NIPAL2: variants seen among roughly 807,000 people sequenced by gnomAD.
The protein encoded by NIPAL2 is NIPA like domain containing 2, also known as NIPA-like protein 2.
A neutral mutation model predicts 48.9 loss-of-function variants in NIPAL2; 43 were observed. The ratio of observed to expected loss-of-function variants is 0.88; its 90% CI spans 0.69 to 1.13. NIPAL2 has a LOEUF of 1.13. NIPAL2 is among the 50% of genes most tolerant of loss of function. The pLI, the probability that NIPAL2 is intolerant of heterozygous loss-of-function variation, is 0.00. For missense variants in NIPAL2, 446 were observed against 461.4 expected (o/e 0.97, Z 0.31); for synonymous variants, 167 against 174.6 (o/e 0.96, Z 0.34).
chr8:98,228,607 C>G (rs989808932), intron 4 of NIPAL2, among the ~76,000 whole-genome samples: 4 of 152,152 alleles, frequency 2.6e-5, no homozygotes, highest in Non-Finnish European at 5.9e-5. Context: ...GAACTGAATA[C>G]GCTTCAAAGC....
At chr8:98,254,497 A>AT (rs1813768073) in intron 1 of NIPAL2, among the ~76,000 whole-genome samples, 1 of 152,146 alleles carries the variant, frequency 6.6e-6, no homozygotes, top group Non-Finnish European at 1.5e-5. Flanking sequence ...TGAGACACAG[A>AT]TTTGCTCTTT....
chr8:98,223,623 T>C (rs1685910905), intron 4 of NIPAL2, among the ~76,000 whole-genome samples: 1 of 152,204 alleles, frequency 6.6e-6, no homozygotes, highest in African/African-American at 2.4e-5. Context: ...AATTTCCTGT[T>C]CCTCGTATGC....
At chr8:98,208,789 G>T (rs951366644) in intron 6 of NIPAL2, among the ~76,000 whole-genome samples, 2 of 152,072 alleles carry the variant, frequency 1.3e-5, no homozygotes, top group Non-Finnish European at 2.9e-5. Flanking sequence ...GGCAAAGTGG[G>T]CCACTCGCCA....
chr8:98,233,060 C>G (rs1464061562), intron 4 of NIPAL2, among the ~76,000 whole-genome samples: 4 of 152,060 alleles, frequency 2.6e-5, no homozygotes, highest in Admixed American at 2.6e-4. Flanking sequence ...GAGTTAGAGA[C>G]AAGCCTAGAC....
intron 3 of NIPAL2, among the ~76,000 whole-genome samples, chr8:98,244,289 AGTCTGT>A (rs1813152491): frequency 8.8e-6 from 1 of 113,382 alleles, no homozygotes; most frequent in Non-Finnish European, 1.8e-5. Context: ...GATGAGAGGT[AGTCTGT>A]AATGATGAGA....
At position 98,253,013 on chromosome 8, in the gene NIPAL2, T is replaced by A. The variant is rs543545116; in HGVS notation, c.205-379A>T. 5.3e-5 allele frequency among the ~76,000 whole-genome samples: 8 copies of A among 152,212 alleles called. No homozygotes were observed. In the East Asian group the frequency reaches 9.7e-4, roughly 18 times the overall value. ...GCTTGGTATGTGAATCCTCCTTTTG[T>A]CCAACGTATCCATGCTGCAGATGCT... On this transcript the variant is annotated intron_variant, in intron 2 of 10. Coordinates refer to ENST00000430223, the MANE Select transcript of NIPAL2 (RefSeq NM_001321635.2).
intron 1 of NIPAL2, among the ~76,000 whole-genome samples, chr8:98,276,395 T>C (rs571302360): frequency 1.3e-5 from 2 of 152,352 alleles, no homozygotes; most frequent in Non-Finnish European, 2.9e-5. Flanking sequence ...GCATTTCAAC[T>C]TCTTCTATGT....
At chr8:98,216,362 G>A (rs959085213) in intron 5 of NIPAL2, among the ~76,000 whole-genome samples, 5 of 152,226 alleles carry the variant, frequency 3.3e-5, no homozygotes, top group South Asian at 2.1e-4. Flanking sequence ...TATACGGCCA[G>A]TATGCAGGTA....
intron 1 of NIPAL2, among the ~76,000 whole-genome samples, chr8:98,285,770 C>T (rs1354670068): frequency 6.6e-6 from 1 of 151,864 alleles, no homozygotes; most frequent in Non-Finnish European, 1.5e-5. Flanking sequence ...AGCCTCTTAA[C>T]TTACAAAGCA....
At chr8:98,242,607 T>C (rs2130805472) in intron 3 of NIPAL2, among the ~76,000 whole-genome samples, 1 of 150,584 alleles carries the variant, frequency 6.6e-6, no homozygotes, top group South Asian at 2.1e-4. Flanking sequence ...TGCCTCAGCC[T>C]CCTGAGTAGC....
intron 1 of NIPAL2, among the ~76,000 whole-genome samples, chr8:98,262,583 C>T (rs1193479555): frequency 6.7e-6 from 1 of 150,340 alleles, no homozygotes; most frequent in African/African-American, 2.4e-5. Flanking sequence ...AGCTAACTAT[C>T]CTAAATATAT....
At chr8:98,234,713 ATTT>A (rs33980111) in intron 4 of NIPAL2, among the ~76,000 whole-genome samples, 381 of 138,236 alleles carry the variant, frequency 2.8e-3, no homozygotes, top group African/African-American at 6.3e-3. Context: ...ACACCTGTCT[ATTT>A]TTTTTTTTTT....
chr8:98,267,327 CTTT>C (rs761954109), intron 1 of NIPAL2, among the ~76,000 whole-genome samples: 5 of 140,834 alleles, frequency 3.6e-5, no homozygotes, highest in Admixed American at 1.4e-4. Flanking sequence ...TTCTATTTTC[CTTT>C]TTTTTTTTTT....
chr8:98,219,890 A>T (rs1425959106), intron 5 of NIPAL2, among the ~76,000 whole-genome samples: 1 of 152,146 alleles, frequency 6.6e-6, no homozygotes, highest in Admixed American at 6.5e-5. Context: ...TTTGACCCAC[A>T]GCCCCATCCA....
chr8:98,225,065 A>G (rs1812098843), intron 4 of NIPAL2, among the ~76,000 whole-genome samples: 1 of 152,084 alleles, frequency 6.6e-6, no homozygotes. Flanking sequence ...CTGCAATTAT[A>G]CTTTCTAAGT....
intron 10 of NIPAL2, chr8:98,193,433 C>T (rs761943243): frequency 1.2e-6 from 2 of 1,613,260 alleles, no homozygotes; most frequent in Non-Finnish European, 8.5e-7. Flanking sequence ...ACGTCGAATG[C>T]ATATAACAAC....
intron 6 of NIPAL2, among the ~76,000 whole-genome samples, chr8:98,212,203 T>A (rs899656306): frequency 6.6e-5 from 10 of 152,220 alleles, no homozygotes; most frequent in African/African-American, 1.9e-4. Context: ...ATGTATTTTT[T>A]AAAAATTAAA....
chr8:98,225,297 T>C (rs1489293798), intron 4 of NIPAL2, among the ~76,000 whole-genome samples: 4 of 152,258 alleles, frequency 2.6e-5, no homozygotes, highest in Admixed American at 1.3e-4. Context: ...ATGAGTTGTA[T>C]GCACATTTTT....
At chr8:98,260,517 G>T (rs1032149510) in intron 1 of NIPAL2, among the ~76,000 whole-genome samples, 2 of 152,150 alleles carry the variant, frequency 1.3e-5, no homozygotes, top group Non-Finnish European at 2.9e-5. Context: ...AAGGGGTGAC[G>T]GACGGCACCT....
Sources: allele counts gnomAD v4.1 joint callset (sites outside exome capture counted in the v4.1 genomes callset), GRCh38; gene constraint gnomAD v4.1.1; transcripts MANE v1.5; gene names NCBI Gene and HGNC (gene_info 2026-07-23, HGNC 2026-07-21).